CDC20: variants seen among roughly 807,000 people sequenced by gnomAD.
The protein encoded by CDC20 is cell division cycle 20.
In CDC20, 34 loss-of-function variants were observed where a neutral mutation model predicts 60.0. The observed-to-expected ratio is 0.57, with a 90% confidence interval of 0.43 to 0.75. The LOEUF (loss-of-function observed/expected upper bound fraction) is 0.75, where lower values mean the gene tolerates loss of function less well. Ranked by LOEUF, CDC20 falls within the 30% of genes least tolerant of loss-of-function variation. The pLI is 0.00. For synonymous variants in CDC20, 198 were observed against 243.5 expected (o/e 0.81, Z 1.74); for missense variants, 469 against 647.3 (o/e 0.72, Z 2.99).
Position 43,360,214 on chromosome 1 carries a change from G to A in CDC20, c.578G>A (p.Ser193Asn), listed in dbSNP as rs764261591. 6 of 1,614,210 alleles carry A rather than the reference G, an allele frequency of 3.7e-6. No homozygotes were observed. Among genetic ancestry groups the A allele is most frequent in the South Asian group, 2.2e-5 (2 of 91,082 alleles). The part of the protein sequence containing the change: ...NDYYLNLVDW[S>N]SGNVLAVALD... ...ACAGACCTGAACCTTGTGGATTGGA[G>A]TTCTGGGAATGTACTGGCCGTGGCA... The change falls in exon 6 of 11, where the codon AGT (serine) becomes AAT (asparagine). Residue 193 changes from serine (S) to asparagine (N), a missense_variant. Physicochemically the swap from Ser to Asn is conservative, Grantham distance 46. Transcript: ENST00000310955.
At position 43,360,043 on chromosome 1, in the gene CDC20, A is replaced by G. The variant is rs1450155087; in HGVS notation, c.502A>G (p.Ile168Val). ...CTCCAGCCGGAAGACCTGCCGTTAC[A>G]TTCCTTCCCTGCCAGACCGTATCCT... ...PGSSRKTCRYIPSLPDRILDA... is the reference protein window; with the variant it reads ...PGSSRKTCRYVPSLPDRILDA... Residue 168 changes from isoleucine to valine, a missense_variant, in exon 5 of 11, where the codon ATT becomes GTT. By Grantham distance (29) the Ile-to-Val change is conservative (BLOSUM62 3). Transcript: ENST00000310955. The G allele has an allele frequency of 1.9e-6, 3 of 1,614,240 alleles. No homozygotes were observed. The highest frequency in any genetic ancestry group is 1.7e-6 in the Non-Finnish European group (2 of 1,180,052).
At chr1:43,362,407 G>C (rs1647176605) in intron 10 of CDC20, 95 bp downstream of exon 10, 3 of 648,550 alleles carry the variant, frequency 4.6e-6, no homozygotes, top group Non-Finnish European at 2.9e-6. Flanking sequence ...ACACATTAAT[G>C]GTTGCCAGGG....
rs765991493 is a variant in CDC20, at chr1:43,361,167, G to A, written c.1125G>A (p.Gly375=). The A allele has an allele frequency of 1.9e-6, 3 of 1,613,958 alleles. No individual in the cohort carries two copies. The highest frequency in any genetic ancestry group is 2.5e-6 in the Non-Finnish European group (3 of 1,179,906). Residue 375 remains glycine (G), a synonymous_variant, in exon 9 of 11, where the codon GGG becomes GGA. Coordinates refer to ENST00000310955, the MANE Select transcript of CDC20 (RefSeq NM_001255.3). ...PWQSNVLATG[G]GTSDRHIRIW... The stretch of plus-strand genomic sequence containing the variant: ...AGTCCAATGTCCTGGCAACAGGAGG[G>A]GGCACCAGTGATCGACACATTCGCA...
At position 43,360,215 on chromosome 1, in the gene CDC20, T is replaced by C; in HGVS notation, c.579T>C (p.Ser193=). 1 of 1,614,042 alleles carries C rather than the reference T, an allele frequency of 6.2e-7. No individual in the cohort carries two copies. The highest frequency in any genetic ancestry group is 8.5e-7 in the Non-Finnish European group (1 of 1,179,984). The change falls in exon 6 of 11, where the codon AGT becomes AGC. Residue 193 remains serine (S), a synonymous_variant. Transcript: ENST00000310955. ...CAGACCTGAACCTTGTGGATTGGAGTTCTGGGAATGTACTGGCCGTGGCAC... is the reference window on the plus strand; with the variant it reads ...CAGACCTGAACCTTGTGGATTGGAGCTCTGGGAATGTACTGGCCGTGGCAC... ...NDYYLNLVDW[S]SGNVLAVALD...
Position 43,362,271 on chromosome 1 carries a change from T to C in CDC20, c.1280T>C (p.Ile427Thr), listed in dbSNP as rs1253080127. 1.2e-6 allele frequency: 2 copies of C among 1,608,246 alleles called. No individual in the cohort carries two copies. The highest frequency in any genetic ancestry group is 1.7e-6 in the Non-Finnish European group (2 of 1,174,728). Residue 427 changes from isoleucine (I) to threonine (T), a missense_variant, in exon 10 of 11, where the codon ATT becomes ACT. Physicochemically the swap from Ile to Thr is moderately conservative, Grantham distance 89. This residue lies in a region of CDC20 where 20 missense variants were observed against 55.8 expected (regional missense o/e 0.36). Coordinates refer to ENST00000310955, the MANE Select transcript of CDC20 (RefSeq NM_001255.3). Reference sequence around the variant, plus strand: ...GGCTTTGCACAGAACCAGCTAGTTATTTGGAAGTACCCAACCATGGCCAAG... The same window carrying C: ...GGCTTTGCACAGAACCAGCTAGTTACTTGGAAGTACCCAACCATGGCCAAG... ...GHGFAQNQLV[I>T]WKYPTMAKVA...
At chr1:43,359,683 T>C (rs749800693) in intron 3 of CDC20, 42 bp from the exon 4 acceptor site, 10 of 1,613,562 alleles carry the variant, frequency 6.2e-6, no homozygotes, top group East Asian at 2.2e-5. Flanking sequence ...TGACTGTTCT[T>C]TGGATAATAC....
In CDC20 at chr1:43,359,619, G is replaced by A. The variant is rs1275678866; in HGVS notation, c.311G>A (p.Ser104Asn). The A allele has an allele frequency of 1.2e-6, 2 of 1,613,738 alleles. No homozygotes were observed. The highest frequency in any genetic ancestry group is 1.1e-5 in the South Asian group (1 of 91,072). The part of the protein sequence containing the change: ...LLSKENQPEN[S>N]QTPTKKEHQK... ...AGCAAGGAGAACCAGCCTGAAAACA[G>A]CCAGACGCCCACCAAGAAGGTATGT... Residue 104 changes from serine (S) to asparagine (N), a missense_variant, in exon 3 of 11, where the codon AGC becomes AAC. Transcript: ENST00000310955.
rs756518356 is a variant in CDC20 at position 43,361,009 on chromosome 1, G to T, written c.1077+48G>T. ...CTCTGCAGACCCTCACCTATAATCTGGGGACTGTTAAGGGGAGAAGGGATG... is the reference window on the plus strand; with the variant it reads ...CTCTGCAGACCCTCACCTATAATCTTGGGACTGTTAAGGGGAGAAGGGATG... On this transcript the variant is annotated intron_variant, in intron 8 of 10. Coordinates refer to ENST00000310955, the MANE Select transcript of CDC20 (RefSeq NM_001255.3). 3 of 1,592,544 alleles carry T rather than the reference G, an allele frequency of 1.9e-6. No homozygotes were observed. In the African/African-American group the frequency reaches 4.0e-5, roughly 21 times the overall value.
chr1:43,360,885 A>T lies in CDC20; in HGVS notation c.1001A>T (p.Asn334Ile). Reference sequence around the variant, plus strand: ...AGTGGTGGTAATGATAACTTGGTCAATGTGTGGCCTAGTGCTCCTGGAGAG... The same window carrying T: ...AGTGGTGGTAATGATAACTTGGTCATTGTGTGGCCTAGTGCTCCTGGAGAG... ...LASGGNDNLV[N>I]VWPSAPGEGG... Residue 334 changes from asparagine (N) to isoleucine (I), a missense_variant, in exon 8 of 11, where the codon AAT becomes ATT. This residue lies in a region of CDC20 where 255 missense variants were observed against 326.7 expected (regional missense o/e 0.78). Coordinates refer to ENST00000310955, the MANE Select transcript of CDC20 (RefSeq NM_001255.3). The T allele has an allele frequency of 6.2e-7, 1 of 1,614,136 alleles. No individual in the cohort carries two copies. Among genetic ancestry groups the T allele is most frequent in the Non-Finnish European group, 8.5e-7 (1 of 1,180,010 alleles).
chr1:43,362,974 C>CT lies in CDC20; in HGVS notation c.1346dup (p.Thr450AspfsTer16). The CT allele has an allele frequency of 6.2e-7, 1 of 1,601,488 alleles. No homozygotes were observed. The highest frequency in any genetic ancestry group is 8.5e-7 in the Non-Finnish European group (1 of 1,176,332). On this transcript the variant is annotated frameshift_variant, in exon 11 of 11. Transcript: ENST00000310955. LOFTEE classifies it high-confidence loss of function. ...AGGTCACACATCCCGGGTCCTGAGT[C>CT]TGACCATGAGCCCAGATGGGGCCAC... is the stretch of plus-strand genomic sequence containing the variant.
intron 2 of CDC20, 40 bp from the exon 3 acceptor site, chr1:43,359,450 G>A (rs756079944): frequency 1.9e-6 from 3 of 1,613,234 alleles, no homozygotes; most frequent in Non-Finnish European, 2.5e-6. Flanking sequence ...CTTTCTCCCT[G>A]GGGAGCCTGG....
chr1:43,363,139 C>T lies in CDC20; in HGVS notation c.*10C>T. On this transcript the variant is annotated 3_prime_UTR_variant, in exon 11 of 11. Transcript: ENST00000310955. ...CCAAGGCATCCGCTGAAGACCAACC[C>T]ATCACCTCAGTTGTTTTTTATTTTT... 6.2e-7 allele frequency: 1 copy of T among 1,606,780 alleles called. No homozygotes were observed. Among genetic ancestry groups the T allele is most frequent in the Non-Finnish European group, 8.5e-7 (1 of 1,177,380 alleles).
chr1:43,361,047 T>C, intron 8 of CDC20, 73 bp from the exon 9 acceptor site: 10 of 1,604,778 alleles, frequency 6.2e-6, no homozygotes, highest in African/African-American at 1.3e-5. Context: ...AGGATTGGAC[T>C]GGGTTAATCT....
rs1570482250 is a variant in CDC20, at chr1:43,360,819, T to A, written c.935T>A (p.Val312Glu). Residue 312 changes from valine (V) to glutamate (E), a missense_variant, in exon 8 of 11, where the codon GTG becomes GAG. Transcript: ENST00000310955. Reference sequence around the variant, plus strand: ...ACACTGAGTGGCCACAGCCAGGAAGTGTGTGGGCTGCGCTGGGCCCCAGAT... The same window carrying A: ...ACACTGAGTGGCCACAGCCAGGAAGAGTGTGGGCTGCGCTGGGCCCCAGAT... Reference protein sequence around the residue: ...VATLSGHSQEVCGLRWAPDGR... With the variant: ...VATLSGHSQEECGLRWAPDGR... The A allele has an allele frequency of 5.6e-6, 9 of 1,613,702 alleles. No homozygotes were observed. Among genetic ancestry groups the A allele is most frequent in the Non-Finnish European group, 7.6e-6 (9 of 1,179,858 alleles).
At chr1:43,362,927 A>AC in intron 10 of CDC20, 24 bp from the exon 11 acceptor site, 1 of 1,556,750 alleles carries the variant, frequency 6.4e-7, no homozygotes, top group Non-Finnish European at 8.7e-7. Context: ...CAGCATTCGT[A>AC]TGTACTGTTC....
Position 43,360,160 on chromosome 1 carries a change from G to A in CDC20, c.557-33G>A, listed in dbSNP as rs963769953. On this transcript the variant is annotated intron_variant, in intron 5 of 10. Coordinates refer to ENST00000310955, the MANE Select transcript of CDC20 (RefSeq NM_001255.3). Reference sequence around the variant, plus strand: ...AGAGGGCCTGGGACCACACAAACAAGGAAGCTCATGCTCTTCTCTCCACCT... The same window carrying A: ...AGAGGGCCTGGGACCACACAAACAAAGAAGCTCATGCTCTTCTCTCCACCT... 3.7e-6 allele frequency: 6 copies of A among 1,613,786 alleles called. No individual in the cohort carries two copies. The Admixed American group carries it at 6.7e-5, about 18-fold the overall frequency.
rs902070557 is a variant in CDC20 at position 43,363,083 on chromosome 1, A to C, written c.1454A>C (p.Lys485Thr). 1.7e-5 allele frequency: 27 copies of C among 1,613,424 alleles called. No homozygotes were observed. Among genetic ancestry groups the C allele is most frequent in the Non-Finnish European group, 2.2e-5 (26 of 1,179,790 alleles). The stretch of plus-strand genomic sequence containing the variant: ...CCTGCGCGGCGGCGGGAGCGGGAGA[A>C]GGCCAGTGCAGCCAAAAGCAGCCTC... ...LDPARRREREKASAAKSSLIH... is the reference protein window; with the variant it reads ...LDPARRRERETASAAKSSLIH... Residue 485 changes from lysine (K) to threonine (T), a missense_variant, in exon 11 of 11, where the codon AAG becomes ACG. Lys to Thr is a moderately conservative substitution (Grantham distance 78). Around this residue, in one of 5 missense-constraint regions of CDC20, gnomAD observed 72 missense variants for 77.9 expected, o/e 0.92. Coordinates refer to ENST00000310955, the MANE Select transcript of CDC20 (RefSeq NM_001255.3).
chr1:43,362,852 A>T, intron 10 of CDC20, 99 bp from the exon 11 acceptor site: 1 of 832,334 alleles, frequency 1.2e-6, no homozygotes, highest in East Asian at 2.7e-5. Flanking sequence ...GTGACAGAGC[A>T]AGTCTCAAAA....
Position 43,359,387 on chromosome 1 carries a change from C to T in CDC20, c.172C>T (p.Arg58Ter). ...RSHSAGRTPG[R>*]TPGKSSSKVQ... ...CCACAGCGCCGGCAGGACTCCGGGC[C>T]GAACTCCTGGTCAGTGAGGTGCCAA... is the stretch of plus-strand genomic sequence containing the variant. Residue 58 changes from arginine to a stop codon, truncating the protein, a stop_gained, in exon 2 of 11, where the codon CGA becomes TGA. Transcript: ENST00000310955. LOFTEE classifies it high-confidence loss of function. The T allele has an allele frequency of 6.2e-7, 1 of 1,612,832 alleles. No homozygotes were observed. Among genetic ancestry groups the T allele is most frequent in the South Asian group, 1.1e-5 (1 of 90,980 alleles).
Sources: allele counts gnomAD v4.1 joint callset, GRCh38; gene constraint gnomAD v4.1.1; regional missense constraint gnomAD v4.1.1; transcripts MANE v1.5; gene names NCBI Gene and HGNC (gene_info 2026-07-23, HGNC 2026-07-21).